ANGPT1: variants seen among roughly 807,000 people sequenced by gnomAD.
The protein encoded by ANGPT1 is angiopoietin 1.
In ANGPT1, 17 loss-of-function variants were observed where a neutral mutation model predicts 62.2. The ratio of observed to expected loss-of-function variants is 0.27; its 90% CI spans 0.19 to 0.41. The LOEUF is 0.41. ANGPT1 is among the 10% of genes least tolerant of loss of function. ANGPT1 has a pLI of 1.00. For missense variants in ANGPT1, 478 were observed against 594.9 expected, an observed-to-expected ratio of 0.80 and a Z score of 2.04; for synonymous variants, 199 against 198.9, an observed-to-expected ratio of 1.00 and a Z score of 0.00.
intron 4 of ANGPT1, among the ~76,000 whole-genome samples, chr8:107,305,342 T>C (rs924048792): frequency 3.9e-5 from 6 of 151,930 alleles, no homozygotes; most frequent in African/African-American, 1.4e-4. Flanking sequence ...AAAATGCTTC[T>C]CTTGTATATA....
chr8:107,481,411 G>A (rs953216721), intron 1 of ANGPT1, among the ~76,000 whole-genome samples: 2 of 151,416 alleles, frequency 1.3e-5, no homozygotes, highest in African/African-American at 4.9e-5. Context: ...GCGGGCTCCT[G>A]TAGTCCCAGC....
intron 4 of ANGPT1, among the ~76,000 whole-genome samples, chr8:107,304,771 C>T (rs1814675728): frequency 6.6e-6 from 1 of 151,770 alleles, no homozygotes; most frequent in Non-Finnish European, 1.5e-5. Context: ...AGTACTAAAG[C>T]ATTTAATAAC....
intron 4 of ANGPT1, among the ~76,000 whole-genome samples, chr8:107,320,814 T>C (rs1815132752): frequency 6.6e-6 from 1 of 152,172 alleles, no homozygotes; most frequent in Non-Finnish European, 1.5e-5. Flanking sequence ...TATGGAGTTA[T>C]CTTCCCTATT....
intron 4 of ANGPT1, among the ~76,000 whole-genome samples, chr8:107,307,764 G>A (rs1315696086): frequency 2.0e-5 from 3 of 151,924 alleles, no homozygotes; most frequent in South Asian, 2.1e-4. Flanking sequence ...TTCCAACTGC[G>A]GCACAAAAGA....
chr8:107,314,207 CT>C (rs551934760), intron 4 of ANGPT1, among the ~76,000 whole-genome samples: 15 of 152,168 alleles, frequency 9.9e-5, no homozygotes, highest in Non-Finnish European at 1.8e-4. Context: ...ATGGAGTTTG[CT>C]CATGGTAATA....
intron 1 of ANGPT1, among the ~76,000 whole-genome samples, chr8:107,438,699 T>C (rs1811397339): frequency 6.6e-6 from 1 of 152,184 alleles, no homozygotes; most frequent in Non-Finnish European, 1.5e-5. Flanking sequence ...ATATGTTCTT[T>C]TGAAGTTTGT....
intron 3 of ANGPT1, among the ~76,000 whole-genome samples, chr8:107,330,788 G>T (rs907259003): frequency 1.9e-4 from 29 of 152,204 alleles, no homozygotes; most frequent in African/African-American, 6.5e-4. Flanking sequence ...AGTTGTGGGG[G>T]ATTAGGGAAA....
intron 1 of ANGPT1, among the ~76,000 whole-genome samples, chr8:107,421,130 T>G (rs972574241): frequency 5.3e-5 from 8 of 152,154 alleles, no homozygotes; most frequent in African/African-American, 1.9e-4. Flanking sequence ...TTTATATTGG[T>G]AGAGTGAAAA....
intron 1 of ANGPT1, among the ~76,000 whole-genome samples, chr8:107,357,782 T>C (rs1057308807): frequency 1.1e-4 from 17 of 152,132 alleles, no homozygotes; most frequent in African/African-American, 4.1e-4. Context: ...AATTAAGGGA[T>C]TTGTCGATTT....
Position 107,399,033 on chromosome 8 carries a change from G to A in ANGPT1, c.298-51936C>T, listed in dbSNP as rs114148428. Among the ~76,000 whole-genome samples the A allele has an allele frequency of 7.5e-3, 1,136 of 152,174 alleles. 12 individuals are homozygous for A. The highest frequency in any genetic ancestry group is 0.024 in the African/African-American group (990 of 41,510). On this transcript the variant is annotated intron_variant, in intron 1 of 8. Transcript: ENST00000517746. ...ACAAATTTAAAAACCCACACTTTTC[G>A]GAACCTCCATTCGTATTCCAGAATA...
chr8:107,353,738 T>C (rs1815981845), intron 1 of ANGPT1, among the ~76,000 whole-genome samples: 1 of 152,212 alleles, frequency 6.6e-6, no homozygotes, highest in South Asian at 2.1e-4. Flanking sequence ...AAGTGTGTGC[T>C]GTGTACTAAG....
chr8:107,468,514 TA>T (rs1476008040), intron 1 of ANGPT1, among the ~76,000 whole-genome samples: 1 of 152,080 alleles, frequency 6.6e-6, no homozygotes, highest in African/African-American at 2.4e-5. Context: ...TCTTATTTTT[TA>T]AGGCAATTTT....
intron 1 of ANGPT1, among the ~76,000 whole-genome samples, chr8:107,450,804 T>C (rs1372813303): frequency 1.3e-5 from 2 of 151,518 alleles, no homozygotes; most frequent in African/African-American, 4.8e-5. Flanking sequence ...ATAATAATAC[T>C]AGTAATAGTA....
At chr8:107,449,400 GCACACACACACACACA>G (rs10537811) in intron 1 of ANGPT1, among the ~76,000 whole-genome samples, 3 of 148,210 alleles carry the variant, frequency 2.0e-5, no homozygotes, top group African/African-American at 7.4e-5. Flanking sequence ...ACACACACAT[GCACACACACACACACA>G]CACACACACA....
chr8:107,378,508 A>G (rs1368651941), intron 1 of ANGPT1, among the ~76,000 whole-genome samples: 1 of 152,192 alleles, frequency 6.6e-6, no homozygotes, highest in Non-Finnish European at 1.5e-5. Flanking sequence ...TACACACACC[A>G]TATATACCTA....
At chr8:107,387,007 A>C (rs1442111281) in intron 1 of ANGPT1, among the ~76,000 whole-genome samples, 1 of 152,148 alleles carries the variant, frequency 6.6e-6, no homozygotes, top group African/African-American at 2.4e-5. Context: ...GCTAGGTTAC[A>C]AAAATAAATG....
rs542353812 is a variant in ANGPT1, at chr8:107,365,624, C to T, written c.298-18527G>A. Among the ~76,000 whole-genome samples the T allele has an allele frequency of 2.4e-4, 36 of 152,170 alleles. No homozygotes were observed. The South Asian group carries it at 7.5e-3, about 32-fold the overall frequency. ...CATGATTCCATGAGCATTGGGATTTCGTCTTTCAATGGGATTGTAAACAGG... is the reference window on the plus strand; with the variant it reads ...CATGATTCCATGAGCATTGGGATTTTGTCTTTCAATGGGATTGTAAACAGG... On this transcript the variant is annotated intron_variant, in intron 1 of 8. Transcript: ENST00000517746.
chr8:107,352,872 A>T (rs1293581515), intron 1 of ANGPT1, among the ~76,000 whole-genome samples: 1 of 152,144 alleles, frequency 6.6e-6, no homozygotes, highest in Non-Finnish European at 1.5e-5. Context: ...AATGCAAAAA[A>T]TGCCTTAAAT....
At chr8:107,293,819 C>G in intron 6 of ANGPT1, 117 bp downstream of exon 6, 1 of 699,800 alleles carries the variant, frequency 1.4e-6, no homozygotes, top group Admixed American at 3.0e-5. Flanking sequence ...ACTAATGTAT[C>G]ATTTTATGTC....
Sources: gnomAD v4.1 joint callset for allele counts (sites outside exome capture counted in the v4.1 genomes callset) on GRCh38, gnomAD v4.1.1 for gene constraint, MANE v1.5 for transcripts, NCBI Gene and HGNC (gene_info 2026-07-23, HGNC 2026-07-21) for gene names.